The following CHLSN variants were observed in gnomAD, a reference collection of about 807,000 sequenced individuals.
CHLSN encodes protein cholesin.
chr7:1,079,518 T>A, the CHLSN span, among the ~76,000 whole-genome samples: 197 of 152,314 alleles, frequency 1.3e-3, no homozygotes, highest in African/African-American at 4.5e-3. Flanking sequence ...AGCCTATAAC[T>A]ACTTATCCAT....
chr7:1,125,304 C>T, the CHLSN span, among the ~76,000 whole-genome samples: 1 of 152,218 alleles, frequency 6.6e-6, no homozygotes, highest in Non-Finnish European at 1.5e-5. Context: ...CACGTGGGCT[C>T]CCCCTTTCCA....
the CHLSN span, among the ~76,000 whole-genome samples, chr7:1,054,179 G>A: frequency 6.6e-6 from 1 of 152,202 alleles, no homozygotes; most frequent in African/African-American, 2.4e-5. Context: ...GGTAATGCCT[G>A]GTAAAAGGAG....
chr7:1,050,596 C>T, the CHLSN span, among the ~76,000 whole-genome samples: 10 of 152,208 alleles, frequency 6.6e-5, no homozygotes, highest in African/African-American at 1.9e-4. Context: ...CGGACGGACG[C>T]GGGAGAGCCT....
At chr7:1,063,937 T>C in the CHLSN span, among the ~76,000 whole-genome samples, 1 of 152,122 alleles carries the variant, frequency 6.6e-6, no homozygotes, top group Admixed American at 6.5e-5. Context: ...AGTCCCCACC[T>C]GGAAGATGGA....
the CHLSN span, chr7:997,521 G>C: frequency 9.5e-7 from 1 of 1,048,526 alleles, no homozygotes; most frequent in African/African-American, 1.7e-5. Flanking sequence ...TTGCTCAGCC[G>C]CTGCCCTGCT....
the CHLSN span, chr7:1,026,298 T>A: frequency 3.9e-5 from 6 of 152,380 alleles, no homozygotes; most frequent in Admixed American, 3.9e-4. Flanking sequence ...CTGGCATTGC[T>A]GAAGAGCCCT....
chr7:1,047,478 T>C, the CHLSN span, among the ~76,000 whole-genome samples: 1 of 152,260 alleles, frequency 6.6e-6, no homozygotes, highest in South Asian at 2.1e-4. Flanking sequence ...GCGTAAGCTC[T>C]CCACGTGGAA....
chr7:1,083,975 G>A, the CHLSN span, among the ~76,000 whole-genome samples: 32 of 152,374 alleles, frequency 2.1e-4, no homozygotes, highest in South Asian at 2.1e-4. Flanking sequence ...ACTGTGGGCC[G>A]CACCACGTCC....
chr7:1,122,689 C>T, the CHLSN span, among the ~76,000 whole-genome samples: 4 of 152,164 alleles, frequency 2.6e-5, no homozygotes, highest in East Asian at 1.9e-4. Context: ...CCTCACAACC[C>T]GCTCAAGTGG....
the CHLSN span, among the ~76,000 whole-genome samples, chr7:1,112,039 T>C: frequency 3.3e-5 from 5 of 152,322 alleles, no homozygotes; most frequent in East Asian, 9.6e-4. Context: ...GGAAAAATAA[T>C]ACACATTACT....
At chr7:1,083,154 G>A in the CHLSN span, among the ~76,000 whole-genome samples, 13 of 152,248 alleles carry the variant, frequency 8.5e-5, no homozygotes, top group Non-Finnish European at 1.5e-4. Flanking sequence ...CCAAGGATGC[G>A]CCCAGAATGC....
the CHLSN span, among the ~76,000 whole-genome samples, chr7:1,061,852 T>A: frequency 1.4e-5 from 2 of 139,944 alleles, no homozygotes; most frequent in Admixed American, 1.4e-4. Flanking sequence ...ACTCCCCAAT[T>A]CTTCCAAGCA....
the CHLSN span, among the ~76,000 whole-genome samples, chr7:980,914 C>G: frequency 1.3e-5 from 2 of 151,660 alleles, no homozygotes; most frequent in African/African-American, 2.4e-5. Context: ...GTCTCGATCT[C>G]CATCTCCTGA....
At chr7:1,096,830 G>A in the CHLSN span, among the ~76,000 whole-genome samples, 62 of 152,328 alleles carry the variant, frequency 4.1e-4, no homozygotes, top group Non-Finnish European at 7.8e-4. This position sits in a 1 kb window ranked among gnomAD's most constrained non-coding sequence, Gnocchi z 4.6. Context: ...AAGCGGCAGC[G>A]GTGGGCTCAC....
chr7:997,586 C>G, the CHLSN span: 1 of 1,470,644 alleles, frequency 6.8e-7, no homozygotes, highest in Non-Finnish European at 9.0e-7. Flanking sequence ...TCTGAGGCAG[C>G]CCTGCACTGG....
At chr7:1,032,913 C>G in the CHLSN span, among the ~76,000 whole-genome samples, 1 of 152,262 alleles carries the variant, frequency 6.6e-6, no homozygotes, top group Non-Finnish European at 1.5e-5. Flanking sequence ...CTGCACGCTC[C>G]TCACTACCCT....
At chr7:1,092,596 G>A in the CHLSN span, 1 of 1,611,388 alleles carries the variant, frequency 6.2e-7, no homozygotes, top group African/African-American at 1.3e-5. Flanking sequence ...GACGCAGCCT[G>A]GGGCCGCTCC....
the CHLSN span, among the ~76,000 whole-genome samples, chr7:1,080,229 C>G: frequency 2.6e-5 from 4 of 152,248 alleles, no homozygotes; most frequent in African/African-American, 7.2e-5. Flanking sequence ...AATAAAATTA[C>G]GCTCACATGA....
the CHLSN span, chr7:984,989 G>A: frequency 9.3e-6 from 15 of 1,609,480 alleles, no homozygotes; most frequent in South Asian, 3.3e-5. Flanking sequence ...AGGGCTGCCC[G>A]CCAGTTCACG....
Sources: gnomAD v4.1 joint callset for allele counts (sites outside exome capture counted in the v4.1 genomes callset) on GRCh38, gnomAD v4.1.1 for gene constraint, Gnocchi (gnomAD v3.1) non-coding constraint, MANE v1.5 for transcripts, NCBI Gene and HGNC (gene_info 2026-07-23, HGNC 2026-07-21) for gene names.